Variants in OTOF observed in about 807,000 individuals in gnomAD.
The protein encoded by OTOF is fer-1-like family member 2.
Under a neutral mutation model 236.8 loss-of-function variants are expected in OTOF, and 218 were observed. The ratio of observed to expected loss-of-function variants is 0.92; its 90% CI spans 0.82 to 1.03. The LOEUF (loss-of-function observed/expected upper bound fraction) is 1.03. Among genes scored for constraint, OTOF ranks in the 50% least tolerant of loss-of-function variants. The pLI is 0.00. For missense variants in OTOF, 2,590 were observed against 2,694.4 expected (o/e 0.96, Z 0.86); for synonymous variants, 1,041 against 1,072.5 (o/e 0.97, Z 0.57).
chr2:26,490,029 G>A (rs900367449), intron 9 of OTOF, among the ~76,000 whole-genome samples: 2 of 152,224 alleles, frequency 1.3e-5, no homozygotes, highest in African/African-American at 4.8e-5. Context: ...ACTGTGCTCA[G>A]AAGAGGCACA....
chr2:26,502,442 G>C lies in OTOF; in HGVS notation c.584-16C>G, dbSNP rs1445833878. On this transcript the variant is annotated splice_polypyrimidine_tract_variant and intron_variant, in intron 6 of 46. Transcript: ENST00000272371. Reference sequence around the variant, plus strand: ...GCCGGTTCATCTGGGGAAGATGAAAGACTGGTTAGGTGGGCTGACTGATGG... The same window carrying C: ...GCCGGTTCATCTGGGGAAGATGAAACACTGGTTAGGTGGGCTGACTGATGG... 2.5e-6 allele frequency: 4 copies of C among 1,610,454 alleles called. No homozygotes were observed. Among genetic ancestry groups the C allele is most frequent in the Non-Finnish European group, 3.4e-6 (4 of 1,178,872 alleles).
At chr2:26,516,929 T>A (rs1666544631) in intron 4 of OTOF, among the ~76,000 whole-genome samples, 1 of 152,114 alleles carries the variant, frequency 6.6e-6, no homozygotes, top group South Asian at 2.1e-4. Flanking sequence ...ACTGTCTACA[T>A]AACCGAGAGT....
At chr2:26,536,574 G>A (rs758835143) in intron 2 of OTOF, among the ~76,000 whole-genome samples, 1 of 152,120 alleles carries the variant, frequency 6.6e-6, no homozygotes, top group East Asian at 1.9e-4. Flanking sequence ...CAGCCACATC[G>A]TGTGGCCTGG....
chr2:26,498,639 A>G (rs920410280), intron 8 of OTOF, among the ~76,000 whole-genome samples: 2 of 152,176 alleles, frequency 1.3e-5, no homozygotes, highest in African/African-American at 4.8e-5. Flanking sequence ...TTTCAAGATA[A>G]GGGACATACT....
intron 1 of OTOF, among the ~76,000 whole-genome samples, chr2:26,548,539 C>T (rs913881105): frequency 6.6e-6 from 1 of 152,166 alleles, no homozygotes; most frequent in Non-Finnish European, 1.5e-5. Flanking sequence ...TATGGATTTG[C>T]CTGTTCTGAG....
At chr2:26,542,260 C>A (rs1357071879) in intron 1 of OTOF, among the ~76,000 whole-genome samples, 1 of 152,204 alleles carries the variant, frequency 6.6e-6, no homozygotes, top group African/African-American at 2.4e-5. Flanking sequence ...ACACGGCTGC[C>A]AGCCCATGTG....
intron 24 of OTOF, among the ~76,000 whole-genome samples, 166 bp downstream of exon 24, chr2:26,475,748 G>A (rs983907569): frequency 3.9e-5 from 6 of 152,124 alleles, no homozygotes; most frequent in African/African-American, 7.2e-5. Flanking sequence ...TGTGACCCGC[G>A]TCTGCTGCAG....
At position 26,466,703 on chromosome 2, in the gene OTOF, G is replaced by C; in HGVS notation, c.4500+11C>G. 6.2e-7 allele frequency: 1 copy of C among 1,614,072 alleles called. No individual in the cohort carries two copies. The highest frequency in any genetic ancestry group is 1.1e-5 in the South Asian group (1 of 91,082). ...GAGACTTGCAAGGAGGGAAAGCGAC[G>C]GGAGTCTCACCCGGACCACATAGAC... On this transcript the variant is annotated intron_variant, in intron 36 of 46. Transcript: ENST00000272371.
intron 32 of OTOF, among the ~76,000 whole-genome samples, chr2:26,469,343 C>G (rs553160875): frequency 6.6e-6 from 1 of 152,336 alleles, no homozygotes; most frequent in South Asian, 2.1e-4. Flanking sequence ...CAGCCTCTTG[C>G]AGCTCCAGCC....
At chr2:26,538,445 G>A (rs1047783010) in intron 1 of OTOF, among the ~76,000 whole-genome samples, 1 of 152,174 alleles carries the variant, frequency 6.6e-6, no homozygotes, top group Non-Finnish European at 1.5e-5. Flanking sequence ...ATGGGAAGTA[G>A]AGAGTGTGTG....
chr2:26,468,655 T>A (rs904463581), intron 32 of OTOF, among the ~76,000 whole-genome samples, 181 bp from the exon 33 acceptor site: 3 of 152,164 alleles, frequency 2.0e-5, no homozygotes, highest in African/African-American at 7.2e-5. Flanking sequence ...ATGTGTACAG[T>A]GTGACTAGTG....
chr2:26,536,098 T>A (rs1572487193), intron 2 of OTOF, among the ~76,000 whole-genome samples: 1 of 151,980 alleles, frequency 6.6e-6, no homozygotes, highest in Non-Finnish European at 1.5e-5. Context: ...TGGCATCTTC[T>A]CCCAGCCAGC....
In OTOF at chr2:26,510,787, G is replaced by A. The variant is rs573844813; in HGVS notation, c.509+5631C>T. 1.8e-3 allele frequency: 2,219 copies of A among 1,255,604 alleles called. 5 individuals are homozygous for A. The highest frequency in any genetic ancestry group is 2.1e-3 in the Non-Finnish European group (2,046 of 958,290). 77.8% of individuals were successfully genotyped at this position (1,255,604 alleles called of 1,614,324 possible). On this transcript the variant is annotated intron_variant, in intron 5 of 46. Transcript: ENST00000272371. ...AAGAAATGAGGAGACAAGGGGACAC[G>A]TGTGAGGGGCTGTGGACCAGAGACA...
In OTOF at chr2:26,512,674, A is replaced by G. The variant is rs1666419547; in HGVS notation, c.509+3744T>C. 2.6e-5 allele frequency among the ~76,000 whole-genome samples: 4 copies of G among 152,284 alleles called. No homozygotes were observed. In the South Asian group the frequency reaches 8.3e-4, roughly 32 times the overall value. ...GCTCCTGTGTGGGCAGCTTCTGCAG[A>G]GCCCTTGGTATAGGGTGGGGAGCAA... is the stretch of plus-strand genomic sequence containing the variant. On this transcript the variant is annotated intron_variant, in intron 5 of 46. Coordinates refer to ENST00000272371, the MANE Select transcript of OTOF (RefSeq NM_194248.3).
chr2:26,477,135 C>A lies in OTOF; in HGVS notation c.2523+37G>T, dbSNP rs535552302. 15 of 1,593,284 alleles carry A rather than the reference C, an allele frequency of 9.4e-6. No individual in the cohort carries two copies. The highest frequency in any genetic ancestry group is 1.2e-5 in the Non-Finnish European group (14 of 1,167,782). On this transcript the variant is annotated intron_variant, in intron 21 of 46. Coordinates refer to ENST00000272371, the MANE Select transcript of OTOF (RefSeq NM_194248.3). This position sits in a 1 kb window ranked among gnomAD's most constrained non-coding sequence, Gnocchi z 4.7. The stretch of plus-strand genomic sequence containing the variant: ...TCCTGAGGGGCCCCAGAGAGCCAGC[C>A]CTGGATGAGGCAAAGCCCCGACCCC...
intron 5 of OTOF, among the ~76,000 whole-genome samples, chr2:26,511,312 G>C (rs958694545): frequency 2.0e-5 from 3 of 152,146 alleles, no homozygotes; most frequent in Non-Finnish European, 4.4e-5. Context: ...GGCAGTTCTA[G>C]GGGTGTAGGT....
intron 36 of OTOF, 128 bp from the exon 37 acceptor site, chr2:26,466,204 G>A: frequency 3.3e-6 from 4 of 1,194,946 alleles, no homozygotes; most frequent in Non-Finnish European, 4.8e-6. Context: ...CCCTCAGGAG[G>A]CTTGCTGTGT....
intron 39 of OTOF, 146 bp downstream of exon 39, chr2:26,464,723 G>T (rs1025044504): frequency 3.4e-5 from 25 of 729,880 alleles, no homozygotes; most frequent in Non-Finnish European, 4.9e-5. Flanking sequence ...GGGCTCTGGG[G>T]TGATGAGCAG....
In OTOF at chr2:26,483,618, G is replaced by A. The variant is rs369368105; in HGVS notation, c.1236C>T (p.Pro412=). The change falls in exon 13 of 47, where the codon CCC becomes CCT. Residue 412 remains proline (P), a synonymous_variant. Transcript: ENST00000272371. ...GNLLLPEGVP[P]ERQWARFYVK... ...CATAGAACCGGGCCCACTGGCGTTC[G>A]GGGGGCACCCCCTCGGGGAGCAGCA... The A allele has an allele frequency of 3.9e-5, 63 of 1,612,718 alleles. No homozygotes were observed. Among genetic ancestry groups the A allele is most frequent in the Non-Finnish European group, 4.6e-5 (54 of 1,179,914 alleles).
Sources: allele counts gnomAD v4.1 joint callset (sites outside exome capture counted in the v4.1 genomes callset), GRCh38; gene constraint gnomAD v4.1.1; non-coding constraint Gnocchi (gnomAD v3.1); transcripts MANE v1.5; gene names NCBI Gene and HGNC (gene_info 2026-07-23, HGNC 2026-07-21).